CTNNBIP1: variants seen among roughly 807,000 people sequenced by gnomAD.
The protein encoded by CTNNBIP1 is catenin beta interacting protein 1.
Under a neutral mutation model 11.8 loss-of-function variants are expected in CTNNBIP1, and 7 were observed. The ratio of observed to expected loss-of-function variants is 0.60; its 90% confidence interval spans 0.34 to 1.12. The LOEUF is 1.12. Ranked by LOEUF, CTNNBIP1 falls within the 50% of genes most tolerant of loss-of-function variation. The pLI is 0.03. For synonymous variants in CTNNBIP1, 58 were observed against 43.9 expected (o/e 1.32, Z -1.26); for missense variants, 101 against 113.4 (o/e 0.89, Z 0.50).
In CTNNBIP1 at chr1:9,890,458, G is replaced by A. The variant is rs544899407; in HGVS notation, c.-143-6720C>T. On this transcript the variant is annotated intron_variant, in intron 1 of 5. Transcript: ENST00000377263. ...TCTTTTTTCTTCCCAGAGAACAGCT[G>A]GAGCCCTGGAACCTGGCCAAGTCAG... Among the ~76,000 whole-genome samples, 7 of 152,280 alleles carry A rather than the reference G, an allele frequency of 4.6e-5. No individual in the cohort carries two copies. The East Asian group carries it at 1.3e-3, about 29-fold the overall frequency.
intron 1 of CTNNBIP1, among the ~76,000 whole-genome samples, chr1:9,889,857 A>G (rs1379010272): frequency 6.6e-6 from 1 of 152,166 alleles, no homozygotes; most frequent in African/African-American, 2.4e-5. Context: ...CACATGGCCA[A>G]TATTTTTGTG....
intron 5 of CTNNBIP1, among the ~76,000 whole-genome samples, chr1:9,852,519 A>G (rs1638413583): frequency 6.6e-6 from 1 of 152,208 alleles, no homozygotes; most frequent in Non-Finnish European, 1.5e-5. Context: ...CCGTCTTCTC[A>G]GGAACATTCT....
At position 9,878,587 on chromosome 1, in the gene CTNNBIP1, A is replaced by G. The variant is rs373614458; in HGVS notation, c.-109-598T>C. ...CTAGCCACATGTCTACGTGCCCCCA[A>G]TACACCTCTGGCAGGAATCTCAGAA... On this transcript the variant is annotated intron_variant, in intron 2 of 5. Coordinates refer to ENST00000377263, the MANE Select transcript of CTNNBIP1 (RefSeq NM_020248.3). 1.6e-3 allele frequency among the ~76,000 whole-genome samples: 242 copies of G among 152,272 alleles called. 3 individuals are homozygous for G. The highest frequency in any genetic ancestry group is 5.4e-3 in the African/African-American group (223 of 41,554).
At chr1:9,875,505 G>A (rs1275938883) in intron 3 of CTNNBIP1, among the ~76,000 whole-genome samples, 8 of 152,344 alleles carry the variant, frequency 5.3e-5, no homozygotes, top group East Asian at 3.9e-4. Context: ...CAGCCTCGCC[G>A]TCCCGGGGAC....
intron 1 of CTNNBIP1, among the ~76,000 whole-genome samples, chr1:9,895,110 T>G (rs1217577503): frequency 6.6e-6 from 1 of 151,592 alleles, no homozygotes; most frequent in African/African-American, 2.4e-5. Flanking sequence ...GGTTTCACCG[T>G]GTTAGCCAAG....
chr1:9,901,320 G>A (rs1639517003), intron 1 of CTNNBIP1, among the ~76,000 whole-genome samples: 1 of 152,176 alleles, frequency 6.6e-6, no homozygotes, highest in African/African-American at 2.4e-5. Flanking sequence ...GTCTGGGCAG[G>A]GAGGTCAAGG....
At chr1:9,888,284 A>T (rs959427919) in intron 1 of CTNNBIP1, among the ~76,000 whole-genome samples, 9 of 151,730 alleles carry the variant, frequency 5.9e-5, no homozygotes, top group Admixed American at 1.3e-4. Context: ...AAAAAAATTT[A>T]AAAGCTGGGC....
chr1:9,864,222 A>C (rs1638693429), intron 5 of CTNNBIP1, among the ~76,000 whole-genome samples: 2 of 152,254 alleles, frequency 1.3e-5, no homozygotes. Flanking sequence ...GCAGCAGACC[A>C]GGGCATGGCC....
At position 9,872,042 on chromosome 1, in the gene CTNNBIP1, C is replaced by T. The variant is rs781302251; in HGVS notation, c.23G>A (p.Gly8Glu). The T allele has an allele frequency of 6.2e-7, 1 of 1,614,210 alleles. No homozygotes were observed. The highest frequency in any genetic ancestry group is 8.5e-7 in the Non-Finnish European group (1 of 1,180,002). Reference sequence around the variant, plus strand: ...AATGTACATCTCCTCCGGACTCTTCCCGGGAGCTCCCTCGCGGTTCATCCC... The same window carrying T: ...AATGTACATCTCCTCCGGACTCTTCTCGGGAGCTCCCTCGCGGTTCATCCC... Reference protein sequence around the residue: MNREGAPGKSPEEMYIQQ... With the variant: MNREGAPEKSPEEMYIQQ... Residue 8 changes from glycine to glutamate, a missense_variant, in exon 4 of 6, where the codon GGG (glycine) becomes GAG (glutamate). Coordinates refer to ENST00000377263, the MANE Select transcript of CTNNBIP1 (RefSeq NM_020248.3). This position sits in a 1 kb window ranked among gnomAD's most constrained non-coding sequence, Gnocchi z 4.0.
intron 2 of CTNNBIP1, among the ~76,000 whole-genome samples, chr1:9,879,824 C>T (rs1639045873): frequency 6.6e-6 from 1 of 152,180 alleles, no homozygotes; most frequent in South Asian, 2.1e-4. Flanking sequence ...CAGAGGGGAA[C>T]ACTGTATTCC....
At position 9,880,631 on chromosome 1, in the gene CTNNBIP1, G is replaced by A. The variant is rs941346222; in HGVS notation, c.-109-2642C>T. Among the ~76,000 whole-genome samples, 10 of 152,128 alleles carry A rather than the reference G, an allele frequency of 6.6e-5. 1 individual carries two copies. The highest frequency in any genetic ancestry group is 9.7e-5 in the African/African-American group (4 of 41,400). Reference sequence around the variant, plus strand: ...AGCGTTCCTATTTCTCCACAGCCTCGCCAGCATTTATTGTTTCCTGATGTT... The same window carrying A: ...AGCGTTCCTATTTCTCCACAGCCTCACCAGCATTTATTGTTTCCTGATGTT... On this transcript the variant is annotated intron_variant, in intron 2 of 5. Coordinates refer to ENST00000377263, the MANE Select transcript of CTNNBIP1 (RefSeq NM_020248.3).
chr1:9,899,455 C>CAA (rs754593503), intron 1 of CTNNBIP1, among the ~76,000 whole-genome samples: 53 of 65,498 alleles, frequency 8.1e-4, no homozygotes, highest in Non-Finnish European at 9.1e-4. Flanking sequence ...GACTCCATCT[C>CAA]AAAAAAAAAA....
chr1:9,884,920 G>A (rs1044290759), intron 1 of CTNNBIP1, among the ~76,000 whole-genome samples: 73 of 152,128 alleles, frequency 4.8e-4, no homozygotes, highest in Admixed American at 2.0e-3. Context: ...GCACTGGGGT[G>A]GGGCTGCGGT....
At chr1:9,892,935 C>T (rs1366998811) in intron 1 of CTNNBIP1, 1 of 152,202 alleles carries the variant, frequency 6.6e-6, no homozygotes, top group East Asian at 1.9e-4. Context: ...TTTAACAAGC[C>T]AATAATCAAA....
chr1:9,902,846 ACCT>A (rs1272096174), intron 1 of CTNNBIP1, among the ~76,000 whole-genome samples: 1 of 151,040 alleles, frequency 6.6e-6, no homozygotes, highest in African/African-American at 2.4e-5. Context: ...GCTCACTGCA[ACCT>A]CCGCCTCCAG....
At chr1:9,865,827 T>C (rs1368719518) in intron 5 of CTNNBIP1, among the ~76,000 whole-genome samples, 2 of 152,140 alleles carry the variant, frequency 1.3e-5, no homozygotes, top group East Asian at 3.9e-4. Flanking sequence ...CACAATTCTA[T>C]AACTGGGAAA....
rs1177582985 is a variant in CTNNBIP1 at position 9,872,439 on chromosome 1, C to T, written c.-24-351G>A. 5.9e-5 allele frequency among the ~76,000 whole-genome samples: 9 copies of T among 152,238 alleles called. No homozygotes were observed. Among genetic ancestry groups the T allele is most frequent in the Admixed American group, 3.9e-4 (6 of 15,282 alleles). On this transcript the variant is annotated intron_variant, in intron 3 of 5. Coordinates refer to ENST00000377263, the MANE Select transcript of CTNNBIP1 (RefSeq NM_020248.3). The surrounding 1 kb of genome is among the most constrained non-coding windows in gnomAD (Gnocchi z 4.0). The stretch of plus-strand genomic sequence containing the variant: ...AGCTCCTGCTACAAGCCACAGGACA[C>T]GTGGTGCATGAAGCCCCAAATGTCC...
chr1:9,875,945 T>C (rs139967882), intron 3 of CTNNBIP1, among the ~76,000 whole-genome samples: 1 of 152,366 alleles, frequency 6.6e-6, no homozygotes, highest in African/African-American at 2.4e-5. Flanking sequence ...TCAGTCATGG[T>C]GCTCAACGAG....
intron 1 of CTNNBIP1, among the ~76,000 whole-genome samples, chr1:9,892,352 G>A (rs991982249): frequency 3.3e-5 from 5 of 151,848 alleles, no homozygotes; most frequent in Admixed American, 1.3e-4. Flanking sequence ...AACCCGGGAG[G>A]CAGAGCTTGG....
Sources: allele counts gnomAD v4.1 joint callset (sites outside exome capture counted in the v4.1 genomes callset), GRCh38; gene constraint gnomAD v4.1.1; non-coding constraint Gnocchi (gnomAD v3.1); transcripts MANE v1.5; gene names NCBI Gene and HGNC (gene_info 2026-07-23, HGNC 2026-07-21).